The following AVIL variants were observed in gnomAD, a reference collection of about 807,000 sequenced individuals.
AVIL encodes advillin.
A neutral mutation model predicts 109.9 loss-of-function variants in AVIL; 78 were observed. The observed-to-expected ratio is 0.71, with a 90% CI of 0.59 to 0.86. The LOEUF (loss-of-function observed/expected upper bound fraction) is 0.86. Ranked by LOEUF, AVIL falls within the 40% of genes least tolerant of loss-of-function variation. The pLI is 0.00. For synonymous variants in AVIL, 367 were observed against 379.1 expected, an observed-to-expected ratio of 0.97 and a Z score of 0.37; for missense variants, 892 against 1,016.5, an observed-to-expected ratio of 0.88 and a Z score of 1.67.
At chr12:57,813,115 T>G in intron 4 of AVIL, 112 bp downstream of exon 4, 7 of 1,304,908 alleles carry the variant, frequency 5.4e-6, no homozygotes, top group Non-Finnish European at 7.4e-6. Context: ...AGTGACAGCT[T>G]TGTTTTGATT....
rs372990826 is a variant in AVIL at position 57,801,228 on chromosome 12, A to G, written c.2152-16T>C. On this transcript the variant is annotated splice_polypyrimidine_tract_variant and intron_variant, in intron 17 of 19. Transcript: ENST00000549994. ...TTTTTCCTGCCTGAGAAGAAGAGAG[A>G]GAAAACACAGGATGAGGTCTTTCTT... 2.5e-4 allele frequency: 406 copies of G among 1,608,688 alleles called. 1 individual carries two copies. The highest frequency in any genetic ancestry group is 3.4e-4 in the Non-Finnish European group (399 of 1,175,872).
chr12:57,808,506 C>A lies in AVIL; in HGVS notation c.982G>T (p.Glu328Ter). Residue 328 changes from glutamate (E) to a stop codon, truncating the protein, a stop_gained, in exon 10 of 20, where the codon GAG (glutamate) becomes TAG (stop). Coordinates refer to ENST00000549994, the MANE Select transcript of AVIL (RefSeq NM_006576.4). LOFTEE classifies it high-confidence loss of function. ...MKSYPSSTNVETVNDGAESAM... is the reference protein window; with the variant it reads ...MKSYPSSTNV ...GACTCAGCACCATCGTTGACGGTCTCCACATTGGTGCTGCTGGGGTAGCTC... is the reference window on the plus strand; with the variant it reads ...GACTCAGCACCATCGTTGACGGTCTACACATTGGTGCTGCTGGGGTAGCTC... The A allele has an allele frequency of 6.2e-7, 1 of 1,614,152 alleles. No individual in the cohort carries two copies. The highest frequency in any genetic ancestry group is 8.5e-7 in the Non-Finnish European group (1 of 1,180,034).
chr12:57,812,576 G>T (rs1300438285), intron 4 of AVIL, among the ~76,000 whole-genome samples: 1 of 150,554 alleles, frequency 6.6e-6, no homozygotes, highest in Non-Finnish European at 1.5e-5. Context: ...TGATCAGGCT[G>T]GTCTTGAACT....
chr12:57,804,823 A>C (rs1955918210), intron 14 of AVIL, among the ~76,000 whole-genome samples: 1 of 152,058 alleles, frequency 6.6e-6, no homozygotes, highest in Non-Finnish European at 1.5e-5. Flanking sequence ...AAAAAAACAA[A>C]AAAAAAACTG....
At chr12:57,810,668 A>G in intron 6 of AVIL, 117 bp from the exon 7 acceptor site, 1 of 1,381,154 alleles carries the variant, frequency 7.2e-7, no homozygotes, top group Non-Finnish European at 1.0e-6. Context: ...TGAGGAGTCC[A>G]GGGTGAGTCA....
Position 57,807,480 on chromosome 12 carries a change from C to T in AVIL, c.1342G>A (p.Ala448Thr), listed in dbSNP as rs146185696. The T allele has an allele frequency of 1.1e-4, 184 of 1,614,116 alleles. No individual in the cohort carries two copies. The highest frequency in any genetic ancestry group is 8.0e-4 in the Admixed American group (48 of 60,016). ...GAGGCTGCCAGCTCATCCTGTGAGG[C>T]GTGGCGGCCCTGCAATGGTGAGAGG... ...HILYIWQGRH[A>T]SQDELAASAY... The change falls in exon 13 of 20, where the codon GCC (alanine) becomes ACC (threonine). Residue 448 changes from alanine to threonine, a missense_variant. Ala to Thr is a moderately conservative substitution (Grantham distance 58). Coordinates refer to ENST00000549994, the MANE Select transcript of AVIL (RefSeq NM_006576.4).
intron 2 of AVIL, 32 bp from the exon 3 acceptor site, chr12:57,814,258 T>TCC (rs1268663426): frequency 3.1e-6 from 5 of 1,591,050 alleles, no homozygotes; most frequent in Non-Finnish European, 4.3e-6. Context: ...ATAGGCTACA[T>TCC]CCCCTCCCAC....
intron 14 of AVIL, chr12:57,803,904 C>T: frequency 4.8e-6 from 2 of 415,406 alleles, no homozygotes; most frequent in Non-Finnish European, 8.3e-6. Flanking sequence ...GCAAAAGTCA[C>T]CTTTGTTTCA....
intron 7 of AVIL, 35 bp downstream of exon 7, chr12:57,810,314 C>T: frequency 6.2e-7 from 1 of 1,605,028 alleles, no homozygotes; most frequent in Non-Finnish European, 8.5e-7. Flanking sequence ...CCCCCCAACC[C>T]CAGCTTCCAG....
rs777723908 is a variant in AVIL, at chr12:57,799,881, T to C, written c.2260A>G (p.Ser754Gly). 21 of 1,614,086 alleles carry C rather than the reference T, an allele frequency of 1.3e-5. No individual in the cohort carries two copies. The South Asian group carries it at 2.2e-4, about 17-fold the overall frequency. The change falls in exon 19 of 20, where the codon AGT (serine) becomes GGT (glycine). Residue 754 changes from serine to glycine, a missense_variant. Physicochemically the swap from Ser to Gly is moderately conservative, Grantham distance 56. Coordinates refer to ENST00000549994, the MANE Select transcript of AVIL (RefSeq NM_006576.4). ...GCTATAGGGTAATATTTTGGCTCAC[T>C]GTCATTAGAATTCAGGGAGAGGGTT... ...NATLSLNSND[S>G]EPKYYPIAVL... is the part of the protein sequence containing the mutation.
intron 2 of AVIL, chr12:57,815,768 G>A: frequency 6.8e-7 from 1 of 1,460,294 alleles, no homozygotes; most frequent in African/African-American, 1.4e-5. Context: ...TGTTCTTCGG[G>A]GCTGAACATT....
chr12:57,809,528 G>A lies in AVIL; in HGVS notation c.939+69C>T. On this transcript the variant is annotated intron_variant, in intron 9 of 19. Transcript: ENST00000549994. The stretch of plus-strand genomic sequence containing the variant: ...ATGCTCAAATACCTAGCATGGCTCT[G>A]TGGAGTGACACACCTGAAGTGCTCT... 2.6e-6 allele frequency: 4 copies of A among 1,543,932 alleles called. No individual in the cohort carries two copies. In the South Asian group the frequency reaches 3.4e-5, roughly 13 times the overall value.
At chr12:57,807,526 C>T (rs1459448463) in intron 12 of AVIL, 37 bp from the exon 13 acceptor site, 1 of 1,614,248 alleles carries the variant, frequency 6.2e-7, no homozygotes, top group Non-Finnish European at 8.5e-7. Context: ...CCCATGCTCC[C>T]CGCCCCAGCC....
At chr12:57,798,193 C>A (rs1955774338) in intron 19 of AVIL, among the ~76,000 whole-genome samples, 198 bp from the exon 20 acceptor site, 1 of 152,204 alleles carries the variant, frequency 6.6e-6, no homozygotes, top group African/African-American at 2.4e-5. Flanking sequence ...CCATTTTGGC[C>A]TGTGGCAGAA....
chr12:57,816,219 G>A (rs761180708), intron 1 of AVIL, 160 bp from the exon 2 acceptor site: 1 of 607,616 alleles, frequency 1.6e-6, no homozygotes, highest in Non-Finnish European at 2.8e-6. Flanking sequence ...GCAAGGACTT[G>A]TCCAAGTGCA....
In AVIL at chr12:57,813,306, C is replaced by T. The variant is rs764823413; in HGVS notation, c.259G>A (p.Gly87Arg). 2 of 1,614,004 alleles carry T rather than the reference C, an allele frequency of 1.2e-6. No individual in the cohort carries two copies. The highest frequency in any genetic ancestry group is 3.3e-5 in the Admixed American group (2 of 59,998). ...TCTCGGTGCTGCACAGGGCTGCCTC[C>T]CAGGTAGTCGTCCAGCTGTGTGGTA... ...IYTTQLDDYL[G>R]GSPVQHREVQ... is the part of the protein sequence containing the mutation. The change falls in exon 4 of 20, where the codon GGA becomes AGA. Residue 87 changes from glycine (G) to arginine (R), a missense_variant. Physicochemically the swap from Gly to Arg is moderately radical, Grantham distance 125. Transcript: ENST00000549994.
At chr12:57,809,357 C>A (rs927013451) in intron 9 of AVIL, among the ~76,000 whole-genome samples, 1 of 152,166 alleles carries the variant, frequency 6.6e-6, no homozygotes, top group Non-Finnish European at 1.5e-5. Flanking sequence ...ATGGGTATGA[C>A]CCCCATGTTA....
chr12:57,803,282 G>C lies in AVIL; in HGVS notation c.1927C>G (p.Pro643Ala), dbSNP rs762132263. 7 of 1,614,134 alleles carry C rather than the reference G, an allele frequency of 4.3e-6. No homozygotes were observed. Among genetic ancestry groups the C allele is most frequent in the Non-Finnish European group, 5.9e-6 (7 of 1,180,030 alleles). The change falls in exon 16 of 20, where the codon CCT (proline) becomes GCT (alanine). Residue 643 changes from proline (P) to alanine (A), a missense_variant. Transcript: ENST00000549994. ...GTATCTAGGAGCATCACGTCAGTAG[G>C]GTTCAGGTCATCCTGGGTGAAGTCT... ...ITDFTQDDLN[P>A]TDVMLLDTWD...
intron 14 of AVIL, among the ~76,000 whole-genome samples, chr12:57,805,177 T>C (rs1261252502): frequency 1.3e-5 from 2 of 151,906 alleles, no homozygotes; most frequent in African/African-American, 2.4e-5. Flanking sequence ...TGCCTCAGCC[T>C]CCGGAGTAGC....
Sources: allele counts gnomAD v4.1 joint callset (sites outside exome capture counted in the v4.1 genomes callset), GRCh38; gene constraint gnomAD v4.1.1; transcripts MANE v1.5; gene names NCBI Gene and HGNC (gene_info 2026-07-23, HGNC 2026-07-21).